SLC16A7: variants seen among roughly 807,000 people sequenced by gnomAD.
The protein encoded by SLC16A7 is monocarboxylate transporter 2.
Under a neutral mutation model 34.9 loss-of-function variants are expected in SLC16A7, and 33 were observed. The ratio of observed to expected loss-of-function variants is 0.94; its 90% CI spans 0.72 to 1.26. The LOEUF (loss-of-function observed/expected upper bound fraction) is 1.26, where lower values mean the gene tolerates loss of function less well. Among genes scored for constraint, SLC16A7 ranks in the 50% most tolerant of loss-of-function variants. The pLI is 0.00. For missense variants in SLC16A7, 573 were observed against 578.1 expected, an observed-to-expected ratio of 0.99 and a Z score of 0.09; for synonymous variants, 201 against 206.6, an observed-to-expected ratio of 0.97 and a Z score of 0.23.
rs779241318 is a variant in SLC16A7, at chr12:59,782,321, T to C, written c.*2642T>C. 6.6e-6 allele frequency: 1 copy of C among 152,188 alleles called. No homozygotes were observed. The highest frequency in any genetic ancestry group is 2.1e-4 in the South Asian group (1 of 4,834). 9.4% of individuals were successfully genotyped at this position (152,188 alleles called of 1,614,324 possible). On this transcript the variant is annotated 3_prime_UTR_variant, in exon 6 of 6. Coordinates refer to ENST00000547379, the MANE Select transcript of SLC16A7 (RefSeq NM_001270623.2). Reference sequence around the variant, plus strand: ...GTTCACTCTCCCCACCCTCTTGAACTTGTTAGAAGATTTGCTGCTTTAGCA... The same window carrying C: ...GTTCACTCTCCCCACCCTCTTGAACCTGTTAGAAGATTTGCTGCTTTAGCA...
At chr12:59,707,658 T>C (rs1352653362) in intron 3 of SLC16A7, among the ~76,000 whole-genome samples, 1 of 152,082 alleles carries the variant, frequency 6.6e-6, no homozygotes, top group African/African-American at 2.4e-5. Flanking sequence ...GAATAAAATA[T>C]GTCTAAGTTA....
intron 3 of SLC16A7, among the ~76,000 whole-genome samples, chr12:59,712,383 G>C (rs12227244): frequency 0.26 from 40,009 of 152,078 alleles, 5,587 homozygotes; most frequent in East Asian, 0.36. Flanking sequence ...TTTCTCTTGT[G>C]CCTCCTATGA....
At chr12:59,710,578 A>G (rs1028674838) in intron 3 of SLC16A7, among the ~76,000 whole-genome samples, 2 of 152,190 alleles carry the variant, frequency 1.3e-5, no homozygotes, top group Non-Finnish European at 2.9e-5. Flanking sequence ...TTCAACAGAA[A>G]TTCTAAGAAC....
chr12:59,739,634 G>C (rs891665984), intron 3 of SLC16A7, among the ~76,000 whole-genome samples: 5 of 150,528 alleles, frequency 3.3e-5, no homozygotes, highest in Admixed American at 6.6e-5. Flanking sequence ...CTTCCACAAT[G>C]GTTGAACTAG....
intron 3 of SLC16A7, among the ~76,000 whole-genome samples, chr12:59,721,744 GTGGT>G (rs1482230113): frequency 2.0e-5 from 3 of 151,882 alleles, no homozygotes; most frequent in Admixed American, 2.0e-4. Context: ...TACCAATGTA[GTGGT>G]CATTTCTTAG....
At chr12:59,605,453 A>G (rs1304056754) in intron 1 of SLC16A7, among the ~76,000 whole-genome samples, 1 of 152,208 alleles carries the variant, frequency 6.6e-6, no homozygotes, top group Admixed American at 6.5e-5. Flanking sequence ...GTGCATGAAC[A>G]GAGTAGGGTC....
chr12:59,730,422 C>A (rs572536440), intron 3 of SLC16A7, among the ~76,000 whole-genome samples: 71 of 151,178 alleles, frequency 4.7e-4, no homozygotes, highest in African/African-American at 1.7e-3. Flanking sequence ...CACCTATTTC[C>A]TATGTTAGTA....
At chr12:59,676,837 TA>T (rs142082928) in intron 2 of SLC16A7, among the ~76,000 whole-genome samples, 10,821 of 152,166 alleles carry the variant, frequency 0.071, 430 homozygotes, top group Middle Eastern at 0.17. Context: ...AAACGTTACT[TA>T]AAAATCTTTC....
intron 3 of SLC16A7, among the ~76,000 whole-genome samples, chr12:59,751,114 G>A (rs148239820): frequency 3.9e-5 from 6 of 152,260 alleles, no homozygotes; most frequent in African/African-American, 1.4e-4. Context: ...TGGATCGCTG[G>A]AGCCAAGATT....
intron 3 of SLC16A7, among the ~76,000 whole-genome samples, chr12:59,761,722 C>T (rs1881035785): frequency 6.6e-6 from 1 of 152,020 alleles, no homozygotes; most frequent in Admixed American, 6.6e-5. Context: ...GAGTAAATGG[C>T]TGAGGCCCAG....
At chr12:59,694,921 C>A (rs960468408) in intron 2 of SLC16A7, among the ~76,000 whole-genome samples, 2 of 151,554 alleles carry the variant, frequency 1.3e-5, no homozygotes, top group African/African-American at 4.8e-5. Context: ...GATTATTTAC[C>A]CATTTGTTGA....
intron 3 of SLC16A7, among the ~76,000 whole-genome samples, chr12:59,725,780 T>C (rs777402525): frequency 1.3e-5 from 2 of 152,206 alleles, no homozygotes; most frequent in African/African-American, 2.4e-5. Context: ...CTACTCATTT[T>C]TGTTCTCTTA....
intron 4 of SLC16A7, 130 bp downstream of exon 4, chr12:59,771,492 A>G (rs1310086635): frequency 1.8e-6 from 1 of 557,356 alleles, no homozygotes; most frequent in Admixed American, 3.4e-5. Context: ...GTTTTAAAAT[A>G]TTTTCATCTA....
chr12:59,613,304 A>C (rs1879286882), intron 1 of SLC16A7, among the ~76,000 whole-genome samples: 1 of 152,126 alleles, frequency 6.6e-6, no homozygotes, highest in African/African-American at 2.4e-5. Flanking sequence ...CATGAGGGAA[A>C]CCACCCCATG....
intron 1 of SLC16A7, among the ~76,000 whole-genome samples, chr12:59,634,925 G>A (rs1472655699): frequency 4.6e-5 from 7 of 152,156 alleles, no homozygotes; most frequent in South Asian, 4.1e-4. Flanking sequence ...GCAAGGAAAT[G>A]TTGTTTCTTG....
intron 1 of SLC16A7, among the ~76,000 whole-genome samples, chr12:59,620,411 T>A (rs1455448012): frequency 3.3e-5 from 5 of 151,754 alleles, no homozygotes. Context: ...AGCAAAAAAA[T>A]TAGAATTAAT....
At chr12:59,674,295 G>T (rs1565642727) in intron 2 of SLC16A7, among the ~76,000 whole-genome samples, 1 of 152,098 alleles carries the variant, frequency 6.6e-6, no homozygotes, top group Non-Finnish European at 1.5e-5. Flanking sequence ...CTCCATGAAG[G>T]CATAGACTAT....
chr12:59,775,198 A>T lies in SLC16A7; in HGVS notation c.903A>T (p.Gly301=). ...ATATGTTTGCTAGGCCTTCTGTAGG[A>T]TTAATTGCAAACTCCAAATATATTC... ...FVDMFARPSV[G]LIANSKYIRP... Residue 301 remains glycine (G), a synonymous_variant, in exon 5 of 6, where the codon GGA becomes GGT. Coordinates refer to ENST00000547379, the MANE Select transcript of SLC16A7 (RefSeq NM_001270623.2). The T allele has an allele frequency of 6.2e-7, 1 of 1,614,132 alleles. No individual in the cohort carries two copies. Among genetic ancestry groups the T allele is most frequent in the Non-Finnish European group, 8.5e-7 (1 of 1,180,014 alleles).
At chr12:59,726,617 G>A (rs1047560142) in intron 3 of SLC16A7, among the ~76,000 whole-genome samples, 6 of 152,132 alleles carry the variant, frequency 3.9e-5, no homozygotes, top group Non-Finnish European at 8.8e-5. Flanking sequence ...TTAGTTGTGA[G>A]CAAGTTAGTA....
Sources: allele counts gnomAD v4.1 joint callset (sites outside exome capture counted in the v4.1 genomes callset), GRCh38; gene constraint gnomAD v4.1.1; transcripts MANE v1.5; gene names NCBI Gene and HGNC (gene_info 2026-07-23, HGNC 2026-07-21).